STAT5B: variants seen among roughly 807,000 people sequenced by gnomAD.
STAT5B encodes signal transducer and activator of transcription 5B, also known as transcription factor STAT5B.
STAT5B carries 21 observed loss-of-function variants against 107.8 expected under a neutral mutation model. The ratio of observed to expected loss-of-function variants is 0.19; its 90% CI spans 0.14 to 0.28. The LOEUF (loss-of-function observed/expected upper bound fraction) is 0.28. STAT5B is among the 10% of genes least tolerant of loss of function. The probability of loss-of-function intolerance (pLI) is 1.00; values close to 1 mark genes in which losing one functional copy is unlikely to be tolerated. For missense variants in STAT5B, 565 were observed against 1,008.2 expected, an observed-to-expected ratio of 0.56 and a Z score of 5.95; for synonymous variants, 325 against 401.7, an observed-to-expected ratio of 0.81 and a Z score of 2.28.
At chr17:42,248,494 G>A (rs147791311) in intron 1 of STAT5B, among the ~76,000 whole-genome samples, 350 of 152,190 alleles carry the variant, frequency 2.3e-3, no homozygotes, top group Non-Finnish European at 4.5e-3. Flanking sequence ...AGCACTCATA[G>A]TGGGAGTAAA....
chr17:42,225,037 A>G (rs991932727), intron 3 of STAT5B, among the ~76,000 whole-genome samples, 169 bp from the exon 4 acceptor site: 1 of 152,086 alleles, frequency 6.6e-6, no homozygotes, highest in African/African-American at 2.4e-5. Context: ...ATTGCAGTGA[A>G]AAGGTAAGAT....
At chr17:42,265,367 A>G (rs2080659219) in intron 1 of STAT5B, among the ~76,000 whole-genome samples, 1 of 109,588 alleles carries the variant, frequency 9.1e-6, no homozygotes, top group African/African-American at 4.2e-5. Context: ...GTCAAAGGGT[A>G]TGTACTCTTC....
intron 2 of STAT5B, among the ~76,000 whole-genome samples, chr17:42,228,775 A>C (rs2080294629): frequency 6.6e-6 from 1 of 152,128 alleles, no homozygotes; most frequent in African/African-American, 2.4e-5. Context: ...CTACTAAAAC[A>C]CAAAAGAAAT....
At chr17:42,255,249 G>A (rs1403680377) in intron 1 of STAT5B, among the ~76,000 whole-genome samples, 1 of 152,156 alleles carries the variant, frequency 6.6e-6, no homozygotes, top group Admixed American at 6.6e-5. Context: ...GTAAGAATGA[G>A]AACAATTTGT....
intron 1 of STAT5B, among the ~76,000 whole-genome samples, chr17:42,235,819 G>A (rs1000827504): frequency 2.0e-5 from 3 of 152,156 alleles, no homozygotes; most frequent in South Asian, 2.1e-4. Flanking sequence ...TGTCTAGTAC[G>A]GTGGCTTGCC....
rs553989095 is a variant in STAT5B at position 42,218,760 on chromosome 17, C to T, written c.952G>A (p.Ala318Thr). The change falls in exon 8 of 19, where the codon GCC (alanine) becomes ACC (threonine). Residue 318 changes from alanine (A) to threonine (T), a missense_variant. Transcript: ENST00000293328. ...GCTGAGATAATGTCCGTGATGGTGG[C>T]GTTGACCTCGGCCAGCATCTCCTCC... ...PVEEMLAEVN[A>T]TITDIISALV... 12 of 1,612,780 alleles carry T rather than the reference C, an allele frequency of 7.4e-6. No individual in the cohort carries two copies. The highest frequency in any genetic ancestry group is 1.3e-5 in the African/African-American group (1 of 74,964).
intron 16 of STAT5B, among the ~76,000 whole-genome samples, chr17:42,207,171 C>A (rs769166955): frequency 6.6e-6 from 1 of 152,110 alleles, no homozygotes; most frequent in Non-Finnish European, 1.5e-5. Context: ...CCGTACCCAG[C>A]CTGTTTTCTT....
chr17:42,282,873 G>A, the STAT5B span, among the ~76,000 whole-genome samples: 1 of 152,234 alleles, frequency 6.6e-6, no homozygotes, highest in Non-Finnish European at 1.5e-5. Flanking sequence ...ATTCCAGGTA[G>A]ATGGAATGAA....
intron 3 of STAT5B, among the ~76,000 whole-genome samples, 176 bp from the exon 4 acceptor site, chr17:42,225,044 A>T (rs1418455594): frequency 2.6e-5 from 4 of 151,964 alleles, no homozygotes; most frequent in African/African-American, 9.7e-5. Context: ...TGAAAAGGTA[A>T]GATTGTTTTA....
intron 1 of STAT5B, among the ~76,000 whole-genome samples, chr17:42,247,968 G>A (rs1383369466): frequency 6.7e-6 from 1 of 149,856 alleles, no homozygotes; most frequent in Non-Finnish European, 1.5e-5. Context: ...AAAAAAAAAT[G>A]TATGAGAAAA....
At chr17:42,269,999 C>T (rs973748846) in intron 1 of STAT5B, among the ~76,000 whole-genome samples, 2 of 152,210 alleles carry the variant, frequency 1.3e-5, no homozygotes, top group Middle Eastern at 3.4e-3. Context: ...CACCTGAGGT[C>T]AGGAGTTCGA....
At chr17:42,281,013 A>G (rs554056548), upstream of STAT5B, among the ~76,000 whole-genome samples, 62 of 152,188 alleles carry the variant, frequency 4.1e-4, no homozygotes, top group African/African-American at 1.5e-3. Flanking sequence ...GGGCGCCTGT[A>G]GTCCCAGCTA....
intron 3 of STAT5B, among the ~76,000 whole-genome samples, chr17:42,226,695 C>A (rs1461763804): frequency 6.6e-6 from 1 of 150,836 alleles, no homozygotes; most frequent in Non-Finnish European, 1.5e-5. Flanking sequence ...GTAGTCCCAG[C>A]TACTTGGGAG....
chr17:42,229,890 T>C (rs749004496), intron 2 of STAT5B, among the ~76,000 whole-genome samples: 1 of 151,992 alleles, frequency 6.6e-6, no homozygotes, highest in Non-Finnish European at 1.5e-5. Flanking sequence ...TTGAAAATTC[T>C]TCATTAAAAT....
intron 1 of STAT5B, among the ~76,000 whole-genome samples, chr17:42,273,901 T>C (rs1227382486): frequency 2.0e-5 from 3 of 152,212 alleles, no homozygotes; most frequent in Non-Finnish European, 4.4e-5. Flanking sequence ...TTAGTCTTGA[T>C]GTGGCTTTTA....
chr17:42,226,573 C>T (rs1019347696), intron 3 of STAT5B, among the ~76,000 whole-genome samples: 2 of 150,790 alleles, frequency 1.3e-5, no homozygotes, highest in East Asian at 2.0e-4. Flanking sequence ...TTTGGGAGGC[C>T]GAGGAGGGTG....
rs144363071 is a variant in STAT5B at position 42,258,612 on chromosome 17, G to A, written c.-11+17636C>T. Among the ~76,000 whole-genome samples the A allele has an allele frequency of 3.9e-3, 591 of 152,334 alleles. 6 individuals carry two copies. The highest frequency in any genetic ancestry group is 0.014 in the African/African-American group (582 of 41,558). ...GAGAATCACTTGAACCTGGGAGACG[G>A]AGGTTGCAGTGATCTGAGATCACGC... On this transcript the variant is annotated intron_variant, in intron 1 of 18. Coordinates refer to ENST00000293328, the MANE Select transcript of STAT5B (RefSeq NM_012448.4).
intron 5 of STAT5B, 73 bp downstream of exon 5, chr17:42,223,309 A>T: frequency 6.2e-7 from 1 of 1,609,836 alleles, no homozygotes; most frequent in Non-Finnish European, 8.5e-7. Flanking sequence ...CTTTCTCCCA[A>T]CCCCACCAGA....
At chr17:42,214,874 C>G (rs368387049) in intron 12 of STAT5B, among the ~76,000 whole-genome samples, 276 of 152,262 alleles carry the variant, frequency 1.8e-3, no homozygotes, top group African/African-American at 2.9e-3. Context: ...CTCAGCCCCC[C>G]CCAAGTAGCT....
Sources: gnomAD v4.1 joint callset for allele counts (sites outside exome capture counted in the v4.1 genomes callset) on GRCh38, gnomAD v4.1.1 for gene constraint, MANE v1.5 for transcripts, NCBI Gene and HGNC (gene_info 2026-07-23, HGNC 2026-07-21) for gene names.